Variants in EYA2 observed in about 807,000 individuals in gnomAD.
EYA2 encodes EYA transcriptional coactivator and phosphatase 2, also known as protein phosphatase EYA2.
Under a neutral mutation model 69.2 loss-of-function variants are expected in EYA2, and 31 were observed. The ratio of observed to expected loss-of-function variants is 0.45; its 90% CI spans 0.34 to 0.60. EYA2 has a LOEUF of 0.60. Ranked by LOEUF, EYA2 falls within the 20% of genes least tolerant of loss-of-function variation. The pLI is 0.02. For synonymous variants in EYA2, 257 were observed against 279.4 expected (o/e 0.92, Z 0.80); for missense variants, 622 against 701.2 (o/e 0.89, Z 1.28).
At chr20:47,135,742 G>T (rs1265957944) in intron 9 of EYA2, among the ~76,000 whole-genome samples, 2 of 146,132 alleles carry the variant, frequency 1.4e-5, no homozygotes, top group Admixed American at 1.4e-4. Context: ...AGCACTTTGT[G>T]AGGCTGAGGC....
chr20:46,936,060 T>C (rs1985895450), intron 1 of EYA2, among the ~76,000 whole-genome samples: 1 of 152,134 alleles, frequency 6.6e-6, no homozygotes, highest in South Asian at 2.1e-4. Context: ...AATGCAAATA[T>C]TCCAAAGTCT....
intron 9 of EYA2, chr20:47,117,498 C>T (rs1191985162): frequency 2.0e-6 from 2 of 985,286 alleles, no homozygotes; most frequent in African/African-American, 3.5e-5. Context: ...CACAGTCCTC[C>T]CCGATTCCTC....
intron 7 of EYA2, among the ~76,000 whole-genome samples, chr20:47,081,492 A>T (rs960634384): frequency 2.0e-5 from 3 of 152,170 alleles, no homozygotes; most frequent in Non-Finnish European, 4.4e-5. Flanking sequence ...AAATTGAAAT[A>T]AAAAGGCCGG....
chr20:47,038,042 G>A (rs1379513330), intron 5 of EYA2, among the ~76,000 whole-genome samples: 1 of 151,636 alleles, frequency 6.6e-6, no homozygotes, highest in Non-Finnish European at 1.5e-5. Flanking sequence ...GCCCTTGCAG[G>A]GTTTACATTC....
intron 9 of EYA2, among the ~76,000 whole-genome samples, chr20:47,140,406 A>C (rs1199737234): frequency 6.6e-6 from 1 of 152,058 alleles, no homozygotes; most frequent in Non-Finnish European, 1.5e-5. Flanking sequence ...TGTGTGTGTG[A>C]AGCTGAGATC....
chr20:47,119,771 C>A (rs2032997341), intron 9 of EYA2, among the ~76,000 whole-genome samples: 1 of 152,182 alleles, frequency 6.6e-6, no homozygotes, highest in African/African-American at 2.4e-5. Context: ...CTAGATTCCA[C>A]TGAAGTGTTC....
intron 15 of EYA2, among the ~76,000 whole-genome samples, chr20:47,185,423 C>G (rs2034620975): frequency 1.3e-5 from 2 of 151,552 alleles, no homozygotes; most frequent in South Asian, 4.2e-4. Flanking sequence ...GCCTCAGCCT[C>G]CTGAGTAGCT....
intron 1 of EYA2, among the ~76,000 whole-genome samples, chr20:46,960,269 G>A (rs990462460): frequency 6.6e-6 from 1 of 152,096 alleles, no homozygotes; most frequent in Non-Finnish European, 1.5e-5. Context: ...TTTTACAGTG[G>A]AGGAAATGAA....
At chr20:47,179,956 C>T (rs764789029) in intron 13 of EYA2, 44 bp downstream of exon 13, 8 of 1,433,584 alleles carry the variant, frequency 5.6e-6, no homozygotes, top group African/African-American at 4.2e-5. Context: ...TGAACTTTCT[C>T]GCAGTAGACA....
chr20:47,086,919 G>T (rs1484698374), intron 7 of EYA2, among the ~76,000 whole-genome samples: 1 of 139,512 alleles, frequency 7.2e-6, no homozygotes, highest in Non-Finnish European at 1.6e-5. Flanking sequence ...CTGTTTTAAT[G>T]GGGGGGGCAA....
intron 10 of EYA2, among the ~76,000 whole-genome samples, chr20:47,161,877 T>A (rs1346137299): frequency 3.9e-5 from 6 of 152,232 alleles, no homozygotes; most frequent in Middle Eastern, 3.2e-3. Context: ...CCTCTTCCCC[T>A]CGCCTTGGGC....
intron 7 of EYA2, among the ~76,000 whole-genome samples, chr20:47,081,638 G>A (rs1358456280): frequency 6.6e-6 from 1 of 151,628 alleles, no homozygotes; most frequent in Non-Finnish European, 1.5e-5. Flanking sequence ...AATTAGCCAG[G>A]CGTGGTGCCA....
intron 5 of EYA2, among the ~76,000 whole-genome samples, chr20:47,035,482 T>C (rs1984648065): frequency 6.6e-6 from 1 of 152,130 alleles, no homozygotes; most frequent in Non-Finnish European, 1.5e-5. Context: ...GCCCCTTCTG[T>C]CTGCCACCAC....
intron 10 of EYA2, among the ~76,000 whole-genome samples, chr20:47,143,482 TTTA>T (rs2033638951): frequency 6.6e-6 from 1 of 152,168 alleles, no homozygotes; most frequent in African/African-American, 2.4e-5. Flanking sequence ...ATTTAATAAG[TTTA>T]TTAAGGCAAA....
chr20:47,129,161 C>G (rs2033273121), intron 9 of EYA2, among the ~76,000 whole-genome samples: 1 of 152,158 alleles, frequency 6.6e-6, no homozygotes, highest in African/African-American at 2.4e-5. Flanking sequence ...ATCTGCCATT[C>G]AAGCTCTGAT....
At chr20:47,180,641 C>G (rs761933626) in intron 13 of EYA2, among the ~76,000 whole-genome samples, 174 bp from the exon 14 acceptor site, 1 of 152,212 alleles carries the variant, frequency 6.6e-6, no homozygotes, top group Admixed American at 6.5e-5. Context: ...CAGGCAGCTT[C>G]AGGCTTAAAA....
At chr20:46,938,649 G>C (rs1168238470) in intron 1 of EYA2, among the ~76,000 whole-genome samples, 1 of 152,186 alleles carries the variant, frequency 6.6e-6, no homozygotes, top group Non-Finnish European at 1.5e-5. Context: ...AGTGGAGAGA[G>C]AGAGAGGAAG....
chr20:47,035,265 G>T (rs1984635914), intron 5 of EYA2, among the ~76,000 whole-genome samples: 1 of 152,188 alleles, frequency 6.6e-6, no homozygotes, highest in South Asian at 2.1e-4. Context: ...ATTAGTCTCA[G>T]TCTGAGACGG....
At chr20:47,146,409 G>A (rs1191633734) in intron 10 of EYA2, among the ~76,000 whole-genome samples, 1 of 152,164 alleles carries the variant, frequency 6.6e-6, no homozygotes, top group Non-Finnish European at 1.5e-5. Flanking sequence ...GCCCCACTCT[G>A]CTGTTTCTGT....
Sources: gnomAD v4.1 joint callset for allele counts (sites outside exome capture counted in the v4.1 genomes callset) on GRCh38, gnomAD v4.1.1 for gene constraint, MANE v1.5 for transcripts, NCBI Gene and HGNC (gene_info 2026-07-23, HGNC 2026-07-21) for gene names.